Variants in FBXO28 observed in about 807,000 individuals in gnomAD.
The protein encoded by FBXO28 is F-box protein 28.
In FBXO28, 8 loss-of-function variants were observed where a neutral mutation model predicts 38.1. The observed-to-expected ratio is 0.21, with a 90% CI of 0.12 to 0.38. The LOEUF (loss-of-function observed/expected upper bound fraction) is 0.38. Among genes scored for constraint, FBXO28 ranks in the 10% least tolerant of loss-of-function variants. The pLI is 1.00. For missense variants in FBXO28, 345 were observed against 460.6 expected (o/e 0.75, Z 2.30); for synonymous variants, 168 against 173.8 (o/e 0.97, Z 0.26).
intron 2 of FBXO28, chr1:224,130,860 C>A: frequency 3.5e-6 from 1 of 287,968 alleles, no homozygotes; most frequent in Non-Finnish European, 6.6e-6. Flanking sequence ...ATGATATGAT[C>A]TTGTGGATAA....
At chr1:224,122,574 T>C (rs1245037083) in intron 1 of FBXO28, among the ~76,000 whole-genome samples, 1 of 152,164 alleles carries the variant, frequency 6.6e-6, no homozygotes, top group East Asian at 1.9e-4. Context: ...ACTTTTTTCA[T>C]TCTTTCATGC....
intron 1 of FBXO28, among the ~76,000 whole-genome samples, chr1:224,117,164 G>GTTTTTTTTT (rs1656660451): frequency 2.2e-5 from 2 of 89,302 alleles, no homozygotes; most frequent in African/African-American, 1.0e-4. Flanking sequence ...AAATAAATTG[G>GTTTTTTTTT]ATTTTTTTTT....
At chr1:224,135,155 C>T (rs180980322) in intron 3 of FBXO28, among the ~76,000 whole-genome samples, 1 of 152,210 alleles carries the variant, frequency 6.6e-6, no homozygotes, top group East Asian at 1.9e-4. Flanking sequence ...ACATTACCTG[C>T]TAATGCTTTT....
intron 1 of FBXO28, among the ~76,000 whole-genome samples, chr1:224,122,183 C>T (rs528381008): frequency 4.9e-4 from 75 of 152,272 alleles, no homozygotes; most frequent in African/African-American, 1.7e-3. Flanking sequence ...ACAAACAGGA[C>T]AAGAGAAGAG....
rs1182929552 is a variant in FBXO28 at position 224,114,124 on chromosome 1, C to T, written c.-6C>T. 2 of 1,536,784 alleles carry T rather than the reference C, an allele frequency of 1.3e-6. No individual in the cohort carries two copies. Among genetic ancestry groups the T allele is most frequent in the Admixed American group, 2.0e-5 (1 of 49,900 alleles). On this transcript the variant is annotated 5_prime_UTR_variant, in exon 1 of 5. Transcript: ENST00000366862. ...TGCTGTGGGGGTAAGGAATCAAGCC[C>T]CCAAGATGGCGGCAGCGGCGGAGGA...
In FBXO28 at chr1:224,150,687, G is replaced by T. The variant is rs142757234; in HGVS notation, c.517-2455G>T. Among the ~76,000 whole-genome samples, 175 of 152,192 alleles carry T rather than the reference G, an allele frequency of 1.1e-3. 1 individual carries two copies. Among genetic ancestry groups the T allele is most frequent in the Admixed American group, 7.8e-3 (119 of 15,274 alleles). ...CTATCATTACTATTTCTACCTGAAA[G>T]ACTTTTCTCCCCATATCTTCAATTG... On this transcript the variant is annotated intron_variant, in intron 3 of 4. Coordinates refer to ENST00000366862, the MANE Select transcript of FBXO28 (RefSeq NM_015176.4).
At chr1:224,120,389 G>T (rs1054469208) in intron 1 of FBXO28, among the ~76,000 whole-genome samples, 1 of 152,128 alleles carries the variant, frequency 6.6e-6, no homozygotes, top group Non-Finnish European at 1.5e-5. Flanking sequence ...CTTTATGTAG[G>T]TAATATTTCT....
chr1:224,159,447 A>G lies in FBXO28; in HGVS notation c.*1701A>G, dbSNP rs1157371066. 1 of 152,636 alleles carries G rather than the reference A, an allele frequency of 6.6e-6. No homozygotes were observed. The highest frequency in any genetic ancestry group is 1.9e-4 in the East Asian group (1 of 5,204). 9.5% of individuals were successfully genotyped at this position (152,636 alleles called of 1,614,324 possible). A position where few individuals can be genotyped will look rare whatever the true frequency, so the allele number is the denominator to read the frequency against. ...TGTCTGACTTTGAAATTCCATTTACAATGTAGTATGTTTTCAATGAAAAAC... is the reference window on the plus strand; with the variant it reads ...TGTCTGACTTTGAAATTCCATTTACGATGTAGTATGTTTTCAATGAAAAAC... On this transcript the variant is annotated 3_prime_UTR_variant, in exon 5 of 5. Coordinates refer to ENST00000366862, the MANE Select transcript of FBXO28 (RefSeq NM_015176.4).
intron 3 of FBXO28, among the ~76,000 whole-genome samples, chr1:224,146,125 T>G (rs955830888): frequency 1.3e-5 from 2 of 151,030 alleles, no homozygotes; most frequent in African/African-American, 2.4e-5. Flanking sequence ...TCCCAGCTAC[T>G]CAGGAGGCTG....
chr1:224,154,076 T>A (rs913187796), intron 4 of FBXO28, among the ~76,000 whole-genome samples: 3 of 152,150 alleles, frequency 2.0e-5, no homozygotes, highest in Non-Finnish European at 4.4e-5. Flanking sequence ...ACAATGGGGT[T>A]ACATCCTGAT....
At chr1:224,118,836 T>TC (rs1207234610) in intron 1 of FBXO28, among the ~76,000 whole-genome samples, 6 of 152,186 alleles carry the variant, frequency 3.9e-5, no homozygotes, top group African/African-American at 1.4e-4. Flanking sequence ...CCATAGAACT[T>TC]ACCTTGGAAA....
intron 1 of FBXO28, among the ~76,000 whole-genome samples, chr1:224,117,934 G>T (rs950021093): frequency 3.3e-5 from 5 of 151,960 alleles, no homozygotes; most frequent in Admixed American, 6.6e-5. Context: ...ATGTAACTTT[G>T]GCTTATGAGC....
chr1:224,157,817 C>T lies in FBXO28; in HGVS notation c.*71C>T. ...TTAAGCAGTTATGCATATCAGGATA[C>T]TGTGAGCAACATGGTGTCCCTTAAG... On this transcript the variant is annotated 3_prime_UTR_variant, in exon 5 of 5. Transcript: ENST00000366862. 6.6e-7 allele frequency: 1 copy of T among 1,510,476 alleles called. No individual in the cohort carries two copies. Among genetic ancestry groups the T allele is most frequent in the Non-Finnish European group, 8.8e-7 (1 of 1,134,544 alleles). The allele number at this position is 1,510,476 out of a possible 1,614,324, so 93.6% of individuals were successfully genotyped here. A position where few individuals can be genotyped will look rare whatever the true frequency, so the allele number is the denominator to read the frequency against.
At chr1:224,121,885 C>A (rs558468936) in intron 1 of FBXO28, among the ~76,000 whole-genome samples, 241 of 152,276 alleles carry the variant, frequency 1.6e-3, no homozygotes, top group African/African-American at 5.7e-3. Flanking sequence ...AAGTGATTCT[C>A]CAGCCCCAGC....
At chr1:224,129,517 ATTT>A (rs552373072) in intron 1 of FBXO28, among the ~76,000 whole-genome samples, 1 of 152,078 alleles carries the variant, frequency 6.6e-6, no homozygotes, top group Admixed American at 6.6e-5. Context: ...CTAAAAAAGA[ATTT>A]TTTTTGTTTC....
At position 224,157,825 on chromosome 1, in the gene FBXO28, A is replaced by G. The variant is rs1657806766; in HGVS notation, c.*79A>G. 3 of 1,501,516 alleles carry G rather than the reference A, an allele frequency of 2.0e-6. No individual in the cohort carries two copies. The highest frequency in any genetic ancestry group is 1.4e-5 in the African/African-American group (1 of 71,368). 93.0% of individuals were successfully genotyped at this position (1,501,516 alleles called of 1,614,324 possible). On this transcript the variant is annotated 3_prime_UTR_variant, in exon 5 of 5. Transcript: ENST00000366862. ...TTATGCATATCAGGATACTGTGAGCAACATGGTGTCCCTTAAGCTTCTAGG... is the reference window on the plus strand; with the variant it reads ...TTATGCATATCAGGATACTGTGAGCGACATGGTGTCCCTTAAGCTTCTAGG...
chr1:224,151,052 A>G (rs371249030), intron 3 of FBXO28, among the ~76,000 whole-genome samples: 71 of 152,340 alleles, frequency 4.7e-4, no homozygotes, highest in African/African-American at 1.6e-3. Flanking sequence ...CTTTGTATAT[A>G]TAGTTCCTAA....
intron 2 of FBXO28, chr1:224,130,830 A>G (rs532480791): frequency 1.2e-4 from 45 of 383,064 alleles, no homozygotes; most frequent in African/African-American, 8.7e-4. Flanking sequence ...AAAAGAAGAA[A>G]TAGAACTCTC....
At chr1:224,132,741 G>T (rs1421581634) in intron 2 of FBXO28, among the ~76,000 whole-genome samples, 4 of 151,560 alleles carry the variant, frequency 2.6e-5, no homozygotes, top group Non-Finnish European at 5.9e-5. Context: ...GGAGACGGAG[G>T]TTGCAGTGAG....
Sources: allele counts gnomAD v4.1 joint callset (sites outside exome capture counted in the v4.1 genomes callset), GRCh38; gene constraint gnomAD v4.1.1; transcripts MANE v1.5; gene names NCBI Gene and HGNC (gene_info 2026-07-23, HGNC 2026-07-21).